IQGAP1: variants seen among roughly 807,000 people sequenced by gnomAD.
The protein encoded by IQGAP1 is IQ motif containing GTPase activating protein 1.
Under a neutral mutation model 215.6 loss-of-function variants are expected in IQGAP1, and 66 were observed. That is an observed-to-expected ratio of 0.31 (90% confidence interval 0.25 to 0.38). The LOEUF (loss-of-function observed/expected upper bound fraction) is 0.38. Among genes scored for constraint, IQGAP1 ranks in the 10% least tolerant of loss-of-function variants. IQGAP1 has a pLI of 1.00. For synonymous variants in IQGAP1, 772 were observed against 728.7 expected (o/e 1.06, Z -0.96); for missense variants, 1,712 against 1,997.1 (o/e 0.86, Z 2.72).
At chr15:90,454,774 GA>G (rs1230558733) in intron 14 of IQGAP1, among the ~76,000 whole-genome samples, 1 of 152,172 alleles carries the variant, frequency 6.6e-6, no homozygotes, top group African/African-American at 2.4e-5. Context: ...GAGGTGAATT[GA>G]ACATGATCTG....
intron 3 of IQGAP1, 48 bp downstream of exon 3, chr15:90,426,314 G>C: frequency 6.4e-7 from 1 of 1,559,948 alleles, no homozygotes; most frequent in African/African-American, 1.4e-5. Flanking sequence ...ACTTGAGAAA[G>C]TTAGCATGTT....
In IQGAP1 at chr15:90,466,066, C is replaced by A. The variant is rs771560871; in HGVS notation, c.1842C>A (p.Asn614Lys). Reference protein sequence around the residue: ...DEIQGGIWQSNKDTQEAQKFA... With the variant: ...DEIQGGIWQSKKDTQEAQKFA... ...TTCAAGGTGGAATCTGGCAGTCCAACAAAGACACCCAAGAAGCACAGAAGT... is the reference window on the plus strand; with the variant it reads ...TTCAAGGTGGAATCTGGCAGTCCAAAAAAGACACCCAAGAAGCACAGAAGT... Residue 614 changes from asparagine (N) to lysine (K), a missense_variant, in exon 16 of 38, where the codon AAC (asparagine) becomes AAA (lysine). Around this residue, in one of 2 missense-constraint regions of IQGAP1, gnomAD observed 1,021 missense variants for 1,074.2 expected, o/e 0.95. Transcript: ENST00000268182. The A allele has an allele frequency of 2.5e-6, 4 of 1,613,954 alleles. No individual in the cohort carries two copies. In the African/African-American group the frequency reaches 5.3e-5, roughly 22 times the overall value.
intron 2 of IQGAP1, among the ~76,000 whole-genome samples, chr15:90,410,385 A>G (rs1003521505): frequency 6.6e-5 from 10 of 152,182 alleles, no homozygotes; most frequent in East Asian, 3.8e-4. Flanking sequence ...ACACATGCGC[A>G]CGTATGTTTA....
At position 90,486,059 on chromosome 15, in the gene IQGAP1, T is replaced by G; in HGVS notation, c.3951T>G (p.Ala1317=). ...TLLLDHQDAI[A]PEHNDPIHEL... is the part of the protein sequence containing the mutation. ...TGTTGGATCACCAGGATGCCATTGC[T>G]CCGGAGCACAATGATCCAATCCACG... The change falls in exon 31 of 38, where the codon GCT becomes GCG. Residue 1317 remains alanine (A), a synonymous_variant. Coordinates refer to ENST00000268182, the MANE Select transcript of IQGAP1 (RefSeq NM_003870.4). The G allele has an allele frequency of 1.2e-6, 2 of 1,613,952 alleles. No individual in the cohort carries two copies. Among genetic ancestry groups the G allele is most frequent in the Non-Finnish European group, 1.7e-6 (2 of 1,179,942 alleles).
At chr15:90,459,437 T>C (rs907467049) in intron 15 of IQGAP1, among the ~76,000 whole-genome samples, 1 of 152,214 alleles carries the variant, frequency 6.6e-6, no homozygotes, top group Non-Finnish European at 1.5e-5. Flanking sequence ...AAACAGTATG[T>C]CTATCAAGTC....
At chr15:90,406,546 C>T (rs982366928) in intron 2 of IQGAP1, among the ~76,000 whole-genome samples, 1 of 152,182 alleles carries the variant, frequency 6.6e-6, no homozygotes, top group Admixed American at 6.5e-5. Flanking sequence ...CTAAAAGCAA[C>T]TGAATTGTAT....
At chr15:90,405,022 C>T (rs1357628692) in intron 2 of IQGAP1, among the ~76,000 whole-genome samples, 4 of 152,162 alleles carry the variant, frequency 2.6e-5, no homozygotes, top group African/African-American at 9.7e-5. Context: ...TAAAAACATT[C>T]TCCCATGTTT....
At chr15:90,449,669 G>A in intron 11 of IQGAP1, 26 bp downstream of exon 11, 2 of 1,576,032 alleles carry the variant, frequency 1.3e-6, no homozygotes, top group Non-Finnish European at 1.7e-6. Context: ...AATTGTATGG[G>A]AGGAAAGTTG....
chr15:90,432,624 G>T (rs900908240), intron 4 of IQGAP1, among the ~76,000 whole-genome samples: 2 of 151,974 alleles, frequency 1.3e-5, no homozygotes, highest in Non-Finnish European at 2.9e-5. Context: ...AAACAATAGG[G>T]TATATTGCCT....
At chr15:90,389,341 C>CT (rs563216137) in intron 1 of IQGAP1, among the ~76,000 whole-genome samples, 11,796 of 128,374 alleles carry the variant, frequency 0.092, 751 homozygotes, top group Middle Eastern at 0.19. Flanking sequence ...CGGGAGGTGA[C>CT]TTTTTTTTTT....
rs752194177 is a variant in IQGAP1, at chr15:90,454,455, G to A, written c.1515G>A (p.Lys505=). 6.2e-7 allele frequency: 1 copy of A among 1,613,496 alleles called. No homozygotes were observed. Among genetic ancestry groups the A allele is most frequent in the Non-Finnish European group, 8.5e-7 (1 of 1,179,728 alleles). ...QRYLDELMKL[K]AQAHAENNEF... Reference sequence around the variant, plus strand: ...ATCTCGATGAGTTGATGAAACTGAAGGCTCAGGCACATGCAGAGAATAATG... The same window carrying A: ...ATCTCGATGAGTTGATGAAACTGAAAGCTCAGGCACATGCAGAGAATAATG... Residue 505 remains lysine, a synonymous_variant, in exon 14 of 38, where the codon AAG becomes AAA. Transcript: ENST00000268182.
At chr15:90,465,681 G>GTTTT (rs1244999302) in intron 15 of IQGAP1, among the ~76,000 whole-genome samples, 3 of 64,870 alleles carry the variant, frequency 4.6e-5, no homozygotes, top group African/African-American at 1.7e-4. Flanking sequence ...ATGTTTGTTT[G>GTTTT]TTTGTTTGTT....
At chr15:90,471,191 A>G (rs140871061) in intron 18 of IQGAP1, among the ~76,000 whole-genome samples, 1 of 152,158 alleles carries the variant, frequency 6.6e-6, no homozygotes, top group African/African-American at 2.4e-5. Flanking sequence ...TTTATCTCAC[A>G]TGAAATGATT....
chr15:90,486,202 C>T (rs544671796), intron 31 of IQGAP1, 70 bp downstream of exon 31: 6 of 1,055,484 alleles, frequency 5.7e-6, no homozygotes, highest in Non-Finnish European at 8.6e-6. Context: ...TTGTCACCTC[C>T]TCTATTTTTT....
At chr15:90,414,686 AT>A (rs1596255211) in intron 2 of IQGAP1, among the ~76,000 whole-genome samples, 1 of 149,836 alleles carries the variant, frequency 6.7e-6, no homozygotes, top group East Asian at 1.9e-4. Context: ...CAGCTTTTAC[AT>A]TTTTCTCCAC....
chr15:90,488,281 A>G (rs777333575), intron 33 of IQGAP1, among the ~76,000 whole-genome samples: 15 of 149,932 alleles, frequency 1.0e-4, no homozygotes, highest in Non-Finnish European at 2.1e-4. Context: ...TAGTATTTGC[A>G]TATACTTACG....
chr15:90,445,846 G>A (rs1394656896), intron 9 of IQGAP1, among the ~76,000 whole-genome samples: 8 of 110,592 alleles, frequency 7.2e-5, no homozygotes, highest in Admixed American at 2.0e-4. Context: ...TTTTTTTTTG[G>A]GTTTTTTTTT....
At chr15:90,404,606 AT>A (rs1317467221) in intron 2 of IQGAP1, among the ~76,000 whole-genome samples, 242 of 147,026 alleles carry the variant, frequency 1.6e-3, no homozygotes, top group Non-Finnish European at 3.0e-3. Flanking sequence ...TTGTCCTTTA[AT>A]TTTTTTTTTT....
intron 4 of IQGAP1, among the ~76,000 whole-genome samples, chr15:90,431,041 ATATATT>A (rs1965295624): frequency 6.8e-6 from 1 of 148,106 alleles, no homozygotes; most frequent in Non-Finnish European, 1.5e-5. Flanking sequence ...CATATATACA[ATATATT>A]ATATATTATA....
Sources: allele counts gnomAD v4.1 joint callset (sites outside exome capture counted in the v4.1 genomes callset), GRCh38; gene constraint gnomAD v4.1.1; regional missense constraint gnomAD v4.1.1; transcripts MANE v1.5; gene names NCBI Gene and HGNC (gene_info 2026-07-23, HGNC 2026-07-21).